The following YIPF7 variants were observed in gnomAD, a reference collection of about 807,000 sequenced individuals.
YIPF7 encodes the protein protein YIPF7.
In YIPF7, 35 loss-of-function variants were observed where a neutral mutation model predicts 27.2. The ratio of observed to expected loss-of-function variants is 1.29; its 90% CI spans 0.98 to 1.70. The LOEUF (loss-of-function observed/expected upper bound fraction) is 1.70, where lower values mean the gene tolerates loss of function less well. Ranked by LOEUF, YIPF7 falls within the 40% of genes most tolerant of loss-of-function variation. The probability of loss-of-function intolerance (pLI) is 0.00; values close to 1 mark genes in which losing one functional copy is unlikely to be tolerated. For missense variants in YIPF7, 358 were observed against 303.7 expected, an observed-to-expected ratio of 1.18 and a Z score of -1.33; for synonymous variants, 137 against 110.4, an observed-to-expected ratio of 1.24 and a Z score of -1.51.
chr4:44,639,539 T>C (rs1353908529), intron 2 of YIPF7, among the ~76,000 whole-genome samples: 2 of 152,210 alleles, frequency 1.3e-5, no homozygotes, highest in Non-Finnish European at 2.9e-5. Context: ...GTTGATTTTA[T>C]ATATGTATGT....
At chr4:44,636,138 C>T in intron 2 of YIPF7, 53 bp from the exon 3 acceptor site, 2 of 1,501,246 alleles carry the variant, frequency 1.3e-6, no homozygotes, top group East Asian at 4.6e-5. Flanking sequence ...GGTATCATGA[C>T]AAAGGAGGAA....
At chr4:44,645,698 T>C (rs963249536) in intron 2 of YIPF7, among the ~76,000 whole-genome samples, 2 of 152,136 alleles carry the variant, frequency 1.3e-5, no homozygotes, top group Non-Finnish European at 2.9e-5. Flanking sequence ...AAAAGAAACA[T>C]TGAACTCTGG....
chr4:44,623,041 G>A (rs1207900652), intron 5 of YIPF7, among the ~76,000 whole-genome samples: 1 of 152,090 alleles, frequency 6.6e-6, no homozygotes, highest in African/African-American at 2.4e-5. Flanking sequence ...GGTTTTTGTC[G>A]GACGTCACAA....
At chr4:44,650,393 T>C (rs1713687261) in intron 1 of YIPF7, among the ~76,000 whole-genome samples, 1 of 152,156 alleles carries the variant, frequency 6.6e-6, no homozygotes, top group Admixed American at 6.5e-5. Flanking sequence ...TCTCCAAATA[T>C]CTTATTCTTA....
At chr4:44,660,122 A>AAC in intron 2 of YIPF7, among the ~76,000 whole-genome samples, 1 of 145,608 alleles carries the variant, frequency 6.9e-6, no homozygotes, top group East Asian at 2.0e-4. Context: ...TCAAAAAAAA[A>AAC]AAAAAAAAAA....
chr4:44,637,068 A>C (rs1055122786), intron 2 of YIPF7, among the ~76,000 whole-genome samples: 2 of 152,186 alleles, frequency 1.3e-5, no homozygotes, highest in Non-Finnish European at 1.5e-5. Flanking sequence ...ATATTGTTGT[A>C]AATAACATGA....
At chr4:44,657,504 A>G (rs1346175689) in intron 2 of YIPF7, among the ~76,000 whole-genome samples, 1 of 152,200 alleles carries the variant, frequency 6.6e-6, no homozygotes, top group Non-Finnish European at 1.5e-5. Flanking sequence ...CAGCAAAATG[A>G]CCTATGAAGG....
intron 2 of YIPF7, among the ~76,000 whole-genome samples, chr4:44,639,239 G>A (rs1713242132): frequency 6.6e-6 from 1 of 152,004 alleles, no homozygotes; most frequent in Non-Finnish European, 1.5e-5. Flanking sequence ...AATGCTGCTG[G>A]TATTTTGATA....
intron 4 of YIPF7, among the ~76,000 whole-genome samples, chr4:44,628,139 G>A (rs1406685921): frequency 6.6e-6 from 1 of 152,126 alleles, no homozygotes; most frequent in African/African-American, 2.4e-5. Flanking sequence ...AAATTACTGT[G>A]ACAAAGACAG....
At chr4:44,634,138 C>T (rs77590485) in intron 3 of YIPF7, among the ~76,000 whole-genome samples, 9,000 of 152,190 alleles carry the variant, frequency 0.059, 315 homozygotes, top group East Asian at 0.15. Flanking sequence ...ACCTTTAAGG[C>T]GTGTTTAAAT....
intron 4 of YIPF7, 198 bp downstream of exon 4, chr4:44,629,205 C>A (rs1186361748): frequency 7.6e-6 from 4 of 525,222 alleles, no homozygotes; most frequent in African/African-American, 2.0e-5. Context: ...TTTTGAAATT[C>A]TATTTAAATT....
At chr4:44,642,576 C>T (rs1433491193) in intron 2 of YIPF7, among the ~76,000 whole-genome samples, 3 of 152,144 alleles carry the variant, frequency 2.0e-5, no homozygotes, top group South Asian at 4.1e-4. Context: ...TGTGTCCCCA[C>T]CCAAATCTCA....
chr4:44,646,995 A>G (rs991526113), intron 2 of YIPF7, among the ~76,000 whole-genome samples: 10 of 152,214 alleles, frequency 6.6e-5, no homozygotes, highest in Non-Finnish European at 1.3e-4. Flanking sequence ...TTTGACGTAC[A>G]TAGTAAATCA....
chr4:44,624,662 G>C lies in YIPF7; in HGVS notation c.547C>G (p.Leu183Val). ...GVSYGCVASV[L>V]GYCLLPMVIL... The stretch of plus-strand genomic sequence containing the variant: ...ACCATGGGGAGCAGGCAGTAACCCA[G>C]CACGCTGGCCACACAGCCGTACGAC... The change falls in exon 5 of 6, where the codon CTG becomes GTG. Residue 183 changes from leucine to valine, a missense_variant. Transcript: ENST00000415895. The C allele has an allele frequency of 6.2e-7, 1 of 1,604,992 alleles. No individual in the cohort carries two copies. The highest frequency in any genetic ancestry group is 8.5e-7 in the Non-Finnish European group (1 of 1,176,094).
At chr4:44,660,123 A>AAAAAAAAAAAAAAAAAC (rs1560332839) in intron 2 of YIPF7, among the ~76,000 whole-genome samples, 1 of 145,738 alleles carries the variant, frequency 6.9e-6, no homozygotes, top group Non-Finnish European at 1.5e-5. Flanking sequence ...CAAAAAAAAA[A>AAAAAAAAAAAAAAAAAC]AAAAAAAAAA....
At chr4:44,633,718 A>AG (rs1713004288) in intron 3 of YIPF7, among the ~76,000 whole-genome samples, 1 of 105,862 alleles carries the variant, frequency 9.4e-6, no homozygotes, top group Non-Finnish European at 2.4e-5. Flanking sequence ...AACACAAGCT[A>AG]GGAAAAAAAA....
At chr4:44,649,892 C>T (rs887809172) in intron 2 of YIPF7, 93 bp downstream of exon 2, 15 of 725,088 alleles carry the variant, frequency 2.1e-5, no homozygotes, top group Non-Finnish European at 3.1e-5. Context: ...CTTCAACTTT[C>T]ATAATAACTA....
chr4:44,622,215 T>C lies in YIPF7; in HGVS notation c.*199A>G, dbSNP rs1712465961. ...TTTTAAGTATTTTGAAATGTTTTAA[T>C]GCACCAAACTCAAAAGCAAAACATC... On this transcript the variant is annotated 3_prime_UTR_variant, in exon 6 of 6. Coordinates refer to ENST00000415895, the MANE Select transcript of YIPF7 (RefSeq NM_182592.3). The C allele has an allele frequency of 1.6e-6, 1 of 625,250 alleles. No homozygotes were observed. Among genetic ancestry groups the C allele is most frequent in the South Asian group, 2.3e-5 (1 of 44,430 alleles). 38.7% of individuals were successfully genotyped at this position (625,250 alleles called of 1,614,324 possible).
intron 2 of YIPF7, among the ~76,000 whole-genome samples, chr4:44,642,736 T>C (rs1439698640): frequency 6.6e-6 from 1 of 152,062 alleles, no homozygotes; most frequent in Non-Finnish European, 1.5e-5. Context: ...TAAAAGTGTG[T>C]AGCACTTCCC....
Sources: gnomAD v4.1 joint callset for allele counts (sites outside exome capture counted in the v4.1 genomes callset) on GRCh38, gnomAD v4.1.1 for gene constraint, MANE v1.5 for transcripts, NCBI Gene and HGNC (gene_info 2026-07-23, HGNC 2026-07-21) for gene names.